Variants in COLGALT2 observed in about 807,000 individuals in gnomAD.
The protein encoded by COLGALT2 is collagen beta(1-O)galactosyltransferase 2, also known as procollagen galactosyltransferase 2.
A neutral mutation model predicts 73.4 loss-of-function variants in COLGALT2; 49 were observed. That is an observed-to-expected ratio of 0.67 (90% confidence interval 0.53 to 0.85). COLGALT2 has a LOEUF of 0.85. Ranked by LOEUF, COLGALT2 falls within the 40% of genes least tolerant of loss-of-function variation. The probability of loss-of-function intolerance (pLI) is 0.00; values close to 1 mark genes in which losing one functional copy is unlikely to be tolerated. For synonymous variants in COLGALT2, 295 were observed against 307.6 expected (o/e 0.96, Z 0.43); for missense variants, 722 against 790.2 (o/e 0.91, Z 1.03).
intron 1 of COLGALT2, among the ~76,000 whole-genome samples, chr1:184,028,601 T>C (rs1197456963): frequency 6.6e-6 from 1 of 152,194 alleles, no homozygotes; most frequent in Non-Finnish European, 1.5e-5. Flanking sequence ...CTTGAAGTGA[T>C]TCAACCTGGA....
At chr1:183,983,673 GA>G (rs1404617395) in intron 1 of COLGALT2, among the ~76,000 whole-genome samples, 2 of 152,198 alleles carry the variant, frequency 1.3e-5, no homozygotes, top group Non-Finnish European at 2.9e-5. Context: ...GGCTGAGGTG[GA>G]TTTTTCCATG....
intron 5 of COLGALT2, 70 bp downstream of exon 5, chr1:183,969,199 G>T: frequency 1.4e-5 from 17 of 1,251,250 alleles, no homozygotes; most frequent in Non-Finnish European, 1.8e-5. Context: ...TTAATAAAAT[G>T]CACAAAACAA....
chr1:183,962,154 C>CTTTTTTTTTTTTTT (rs34873073), intron 6 of COLGALT2, among the ~76,000 whole-genome samples: 87 of 85,524 alleles, frequency 1.0e-3, no homozygotes, highest in South Asian at 1.5e-3. Context: ...TTTTCTCTTT[C>CTTTTTTTTTTTTTT]TTTTTTTTTT....
At chr1:183,961,804 A>G (rs185791968) in intron 6 of COLGALT2, among the ~76,000 whole-genome samples, 31 of 152,318 alleles carry the variant, frequency 2.0e-4, no homozygotes, top group African/African-American at 7.5e-4. Flanking sequence ...ATACAAAGCA[A>G]TAAGATGCCA....
chr1:183,957,107 A>G (rs970141567), intron 6 of COLGALT2, among the ~76,000 whole-genome samples: 3 of 152,000 alleles, frequency 2.0e-5, no homozygotes, highest in African/African-American at 7.3e-5. Flanking sequence ...AATTACAGCC[A>G]TTGTTACAGA....
At chr1:183,985,322 G>C (rs184784149) in intron 1 of COLGALT2, among the ~76,000 whole-genome samples, 194 of 152,182 alleles carry the variant, frequency 1.3e-3, no homozygotes, top group African/African-American at 4.5e-3. Context: ...GCCCAGGCTG[G>C]AGTGCAATGG....
intron 8 of COLGALT2, 67 bp from the exon 9 acceptor site, chr1:183,945,631 G>C: frequency 6.3e-7 from 1 of 1,583,448 alleles, no homozygotes; most frequent in Non-Finnish European, 8.6e-7. Flanking sequence ...GCCAGAGAAA[G>C]AGAGAGTTAG....
intron 1 of COLGALT2, among the ~76,000 whole-genome samples, chr1:184,003,398 G>C (rs1457609669): frequency 1.3e-5 from 2 of 152,114 alleles, no homozygotes; most frequent in African/African-American, 2.4e-5. Context: ...GAGACCATGT[G>C]CTCTACTACC....
intron 1 of COLGALT2, among the ~76,000 whole-genome samples, chr1:184,025,072 T>C (rs1438524430): frequency 1.3e-5 from 2 of 152,218 alleles, no homozygotes; most frequent in Non-Finnish European, 2.9e-5. Context: ...TTTAGTTCAA[T>C]GGTATTCGCA....
intron 6 of COLGALT2, among the ~76,000 whole-genome samples, chr1:183,957,288 T>A (rs1351668739): frequency 6.6e-6 from 1 of 152,196 alleles, no homozygotes; most frequent in Non-Finnish European, 1.5e-5. Flanking sequence ...TTGCCCAAGA[T>A]CACAGAGCTG....
intron 7 of COLGALT2, among the ~76,000 whole-genome samples, chr1:183,953,518 G>A (rs946262510): frequency 1.3e-5 from 2 of 152,168 alleles, no homozygotes; most frequent in African/African-American, 4.8e-5. Flanking sequence ...ATGAATCTAT[G>A]TAAGGACACT....
intron 1 of COLGALT2, among the ~76,000 whole-genome samples, chr1:183,990,941 G>GT (rs903499155): frequency 6.6e-6 from 1 of 152,214 alleles, no homozygotes; most frequent in African/African-American, 2.4e-5. Context: ...GAAATTATGT[G>GT]TTTTTCCAGA....
chr1:183,951,014 C>G lies in COLGALT2; in HGVS notation c.1129G>C (p.Asp377His). ...AGAAGAAACCCAACTCACTTTCCAT[C>G]CACAGCCTCGACAATCTTGACCTCA... ...EIEVKIVEAVDGKALNTSQLK... is the reference protein window; with the variant it reads ...EIEVKIVEAVHGKALNTSQLK... Residue 377 changes from aspartate (D) to histidine (H), a missense_variant, in exon 8 of 12, where the codon GAT becomes CAT. Asp to His is a moderately conservative substitution (Grantham distance 81). Coordinates refer to ENST00000361927, the MANE Select transcript of COLGALT2 (RefSeq NM_015101.4). 1 of 1,612,328 alleles carries G rather than the reference C, an allele frequency of 6.2e-7. No homozygotes were observed. The highest frequency in any genetic ancestry group is 8.5e-7 in the Non-Finnish European group (1 of 1,178,498).
chr1:183,937,869 T>C lies in COLGALT2; in HGVS notation c.*892A>G. The stretch of plus-strand genomic sequence containing the variant: ...TCACAGAACTCACACCTGCGGTGGG[T>C]TCCCAGGCTAAGGGGTGGAGCGGAG... On this transcript the variant is annotated 3_prime_UTR_variant, in exon 12 of 12. Coordinates refer to ENST00000361927, the MANE Select transcript of COLGALT2 (RefSeq NM_015101.4). The C allele has an allele frequency of 1.0e-6, 1 of 985,330 alleles. No individual in the cohort carries two copies. Among genetic ancestry groups the C allele is most frequent in the Non-Finnish European group, 1.2e-6 (1 of 829,910 alleles). 61.0% of individuals were successfully genotyped at this position (985,330 alleles called of 1,614,324 possible).
intron 1 of COLGALT2, among the ~76,000 whole-genome samples, chr1:183,997,367 G>C (rs1020228962): frequency 5.9e-5 from 9 of 152,124 alleles, no homozygotes; most frequent in Non-Finnish European, 1.3e-4. Flanking sequence ...AGATTTCTTT[G>C]AAGTCCGCTT....
At chr1:184,029,564 C>A (rs979935484) in intron 1 of COLGALT2, among the ~76,000 whole-genome samples, 1 of 152,234 alleles carries the variant, frequency 6.6e-6, no homozygotes. Context: ...CTACTCAGCT[C>A]CAACAATAGT....
intron 1 of COLGALT2, among the ~76,000 whole-genome samples, chr1:183,980,347 A>G (rs1308184571): frequency 2.6e-5 from 4 of 152,092 alleles, no homozygotes; most frequent in African/African-American, 9.6e-5. Context: ...AACCTACCTA[A>G]GACAAACAAA....
chr1:183,992,826 C>T (rs373167409), intron 1 of COLGALT2, among the ~76,000 whole-genome samples: 2 of 152,198 alleles, frequency 1.3e-5, no homozygotes, highest in African/African-American at 4.8e-5. Context: ...TAAAATCCCC[C>T]AGTTATATGG....
rs36161033 is a variant in COLGALT2 at position 183,938,209 on chromosome 1, TA to T, written c.*551del. ...AACAGGGACTAAGATTTTTTTTTTTTAAAAAATCTACTTTTCAATAAGACTT... is the reference window on the plus strand; with the variant it reads ...AACAGGGACTAAGATTTTTTTTTTTTAAAAATCTACTTTTCAATAAGACTT... On this transcript the variant is annotated 3_prime_UTR_variant, in exon 12 of 12. Transcript: ENST00000361927. 2.3e-3 allele frequency: 2,136 copies of T among 911,534 alleles called. 15 individuals are homozygous for T. The South Asian group carries it at 0.036, about 15-fold the overall frequency. The allele number at this position is 911,534 out of a possible 1,614,324, so 56.5% of individuals were successfully genotyped here.
Sources: allele counts gnomAD v4.1 joint callset (sites outside exome capture counted in the v4.1 genomes callset), GRCh38; gene constraint gnomAD v4.1.1; transcripts MANE v1.5; gene names NCBI Gene and HGNC (gene_info 2026-07-23, HGNC 2026-07-21).